The following EPHA5 variants were observed in gnomAD, a reference collection of about 807,000 sequenced individuals.
The protein encoded by EPHA5 is ephrin type-A receptor 5.
Under a neutral mutation model 105.0 loss-of-function variants are expected in EPHA5, and 60 were observed. The observed-to-expected ratio is 0.57, with a 90% confidence interval of 0.46 to 0.71. The LOEUF (loss-of-function observed/expected upper bound fraction) is 0.71. Ranked by LOEUF, EPHA5 falls within the 30% of genes least tolerant of loss-of-function variation. The pLI is 0.00. For missense variants in EPHA5, 1,218 were observed against 1,274.7 expected (o/e 0.96, Z 0.68); for synonymous variants, 513 against 449.1 (o/e 1.14, Z -1.80).
chr4:65,497,409 A>T (rs2149232073), intron 3 of EPHA5, among the ~76,000 whole-genome samples: 1 of 152,260 alleles, frequency 6.6e-6, no homozygotes, highest in South Asian at 2.1e-4. Flanking sequence ...TTCTGAGAAA[A>T]TGTGAAGGTA....
chr4:65,514,994 G>A (rs1230893384), intron 3 of EPHA5, among the ~76,000 whole-genome samples: 3 of 151,948 alleles, frequency 2.0e-5, no homozygotes, highest in Admixed American at 6.6e-5. Flanking sequence ...ATCAATAGCT[G>A]CAAACTCCAC....
chr4:65,411,839 A>T (rs1258696116), intron 7 of EPHA5, among the ~76,000 whole-genome samples: 3 of 152,144 alleles, frequency 2.0e-5, no homozygotes, highest in Non-Finnish European at 4.4e-5. Context: ...GAAAGAAGGG[A>T]TTATTCCTTA....
intron 5 of EPHA5, among the ~76,000 whole-genome samples, chr4:65,458,091 A>G (rs540017073): frequency 0.011 from 1,688 of 151,334 alleles, 43 homozygotes; most frequent in African/African-American, 0.038. Flanking sequence ...AAAAAAAAAA[A>G]AAAAAAAGAG....
At chr4:65,468,507 A>C (rs765836085) in intron 5 of EPHA5, among the ~76,000 whole-genome samples, 11 of 143,004 alleles carry the variant, frequency 7.7e-5, no homozygotes, top group East Asian at 2.0e-4. Flanking sequence ...ACACACACAC[A>C]CCTACACATA....
intron 3 of EPHA5, among the ~76,000 whole-genome samples, chr4:65,553,444 A>G (rs569532466): frequency 6.6e-6 from 1 of 152,136 alleles, no homozygotes; most frequent in Admixed American, 6.6e-5. Flanking sequence ...TTACTCAATA[A>G]TTGCATTTCA....
intron 8 of EPHA5, among the ~76,000 whole-genome samples, chr4:65,381,847 C>T (rs1336760121): frequency 6.6e-6 from 1 of 151,752 alleles, no homozygotes; most frequent in East Asian, 1.9e-4. Context: ...CATATAAAGA[C>T]ACAGCAAGAA....
intron 3 of EPHA5, among the ~76,000 whole-genome samples, chr4:65,518,807 A>T (rs561699389): frequency 2.1e-4 from 32 of 152,234 alleles, no homozygotes; most frequent in African/African-American, 7.7e-4. Context: ...AGGCTCTGAA[A>T]TTGAGGCAAT....
intron 2 of EPHA5, among the ~76,000 whole-genome samples, chr4:65,606,157 T>A (rs1744208835): frequency 6.6e-6 from 1 of 152,122 alleles, no homozygotes; most frequent in South Asian, 2.1e-4. Context: ...CATGTAACCA[T>A]CAATAAGTCT....
intron 1 of EPHA5, among the ~76,000 whole-genome samples, chr4:65,649,715 C>T (rs1370044766): frequency 6.6e-6 from 1 of 152,114 alleles, no homozygotes; most frequent in East Asian, 1.9e-4. Flanking sequence ...CCCCATTATT[C>T]TATTAAAACT....
At chr4:65,406,380 T>A (rs1316407781) in intron 7 of EPHA5, among the ~76,000 whole-genome samples, 1 of 152,142 alleles carries the variant, frequency 6.6e-6, no homozygotes, top group African/African-American at 2.4e-5. Context: ...TTGTAAGGCG[T>A]TTGACTTAGC....
chr4:65,555,420 G>T (rs984626132), intron 3 of EPHA5, among the ~76,000 whole-genome samples: 2 of 151,848 alleles, frequency 1.3e-5, no homozygotes, highest in South Asian at 4.2e-4. Flanking sequence ...ATGAGTATCA[G>T]ATCAAAACAA....
At chr4:65,466,580 G>A (rs1728740096) in intron 5 of EPHA5, among the ~76,000 whole-genome samples, 1 of 152,150 alleles carries the variant, frequency 6.6e-6, no homozygotes, top group African/African-American at 2.4e-5. Context: ...CATTCACCAG[G>A]GGACTGTTGC....
chr4:65,522,665 T>C (rs1034871698), intron 3 of EPHA5, among the ~76,000 whole-genome samples: 2 of 151,986 alleles, frequency 1.3e-5, no homozygotes, highest in South Asian at 2.1e-4. Context: ...GATTTTTAGT[T>C]AGTGTAACAG....
intron 3 of EPHA5, among the ~76,000 whole-genome samples, chr4:65,522,324 A>T (rs1008880514): frequency 6.7e-5 from 10 of 149,744 alleles, no homozygotes; most frequent in Non-Finnish European, 1.3e-4. Flanking sequence ...ATGTATATAT[A>T]TATATATATA....
chr4:65,449,559 G>A lies in EPHA5; in HGVS notation c.1403-28994C>T, dbSNP rs539708283. Reference sequence around the variant, plus strand: ...ATAGTGGAAGAATGGACAAACTGTCGTATATTCATATAACAATTATATAGT... The same window carrying A: ...ATAGTGGAAGAATGGACAAACTGTCATATATTCATATAACAATTATATAGT... On this transcript the variant is annotated intron_variant, in intron 5 of 16. Coordinates refer to ENST00000613740, the MANE Select transcript of EPHA5 (RefSeq NM_001281766.3). Among the ~76,000 whole-genome samples the A allele has an allele frequency of 3.9e-4, 59 of 152,252 alleles. 1 individual carries two copies. The highest frequency in any genetic ancestry group is 1.3e-3 in the African/African-American group (52 of 41,562).
At chr4:65,505,208 C>A (rs1578276135) in intron 3 of EPHA5, among the ~76,000 whole-genome samples, 1 of 152,102 alleles carries the variant, frequency 6.6e-6, no homozygotes, top group East Asian at 1.9e-4. Flanking sequence ...TTAGAATAAG[C>A]TACGTTTGAA....
chr4:65,535,627 T>G (rs564077035), intron 3 of EPHA5, among the ~76,000 whole-genome samples: 1 of 152,244 alleles, frequency 6.6e-6, no homozygotes, highest in African/African-American at 2.4e-5. Context: ...TTTTGCAAAG[T>G]TGTAGAAAAA....
intron 5 of EPHA5, among the ~76,000 whole-genome samples, chr4:65,428,679 G>GT (rs111386536): frequency 2.6e-5 from 4 of 151,892 alleles, no homozygotes; most frequent in African/African-American, 9.7e-5. Flanking sequence ...GTATAGTTTG[G>GT]TTTTTTTCAA....
In EPHA5 at chr4:65,388,786, T is replaced by C. The variant is rs1720400113; in HGVS notation, c.1793+15588A>G. On this transcript the variant is annotated intron_variant, in intron 8 of 16. Coordinates refer to ENST00000613740, the MANE Select transcript of EPHA5 (RefSeq NM_001281766.3). Reference sequence around the variant, plus strand: ...GGTTGCCTGTTCACTCTGATGGTAGTTTCTTTTGCTGTGCAGAAGCTCTTT... The same window carrying C: ...GGTTGCCTGTTCACTCTGATGGTAGCTTCTTTTGCTGTGCAGAAGCTCTTT... Among the ~76,000 whole-genome samples, 3 of 150,594 alleles carry C rather than the reference T, an allele frequency of 2.0e-5. No individual in the cohort carries two copies. In the South Asian group the frequency reaches 6.3e-4, roughly 32 times the overall value.
Sources: allele counts gnomAD v4.1 joint callset (sites outside exome capture counted in the v4.1 genomes callset), GRCh38; gene constraint gnomAD v4.1.1; transcripts MANE v1.5; gene names NCBI Gene and HGNC (gene_info 2026-07-23, HGNC 2026-07-21).